The following CLMN variants were observed in gnomAD, a reference collection of about 807,000 sequenced individuals.
CLMN encodes the protein calmin.
In CLMN, 57 loss-of-function variants were observed where a neutral mutation model predicts 92.7. That is an observed-to-expected ratio of 0.61 (90% CI 0.50 to 0.77). The LOEUF (loss-of-function observed/expected upper bound fraction) is 0.77. CLMN is among the 30% of genes least tolerant of loss of function. The pLI is 0.00. For synonymous variants in CLMN, 466 were observed against 470.6 expected, an observed-to-expected ratio of 0.99 and a Z score of 0.13; for missense variants, 1,158 against 1,237.5, an observed-to-expected ratio of 0.94 and a Z score of 0.96.
chr14:95,278,406 T>C (rs1900014954), intron 1 of CLMN, among the ~76,000 whole-genome samples: 1 of 152,174 alleles, frequency 6.6e-6, no homozygotes, highest in South Asian at 2.1e-4. Flanking sequence ...CTGAGTCGTT[T>C]TTCTCCATCT....
Position 95,210,723 on chromosome 14 carries a change from C to T in CLMN, c.765G>A (p.Gln255=). 1.2e-6 allele frequency: 2 copies of T among 1,609,734 alleles called. No homozygotes were observed. Among genetic ancestry groups the T allele is most frequent in the Non-Finnish European group, 1.7e-6 (2 of 1,178,168 alleles). ...ENLEKAFSIA[Q]DALHIPRLLE... is the part of the protein sequence containing the mutation. ...GGAGCCTGGGGATGTGCAGGGCATC[C>T]TGTGCGATGCTGAAAGCCTTCTCTA... is the stretch of plus-strand genomic sequence containing the variant. Residue 255 remains glutamine (Q), a synonymous_variant, in exon 7 of 13, where the codon CAG becomes CAA. Coordinates refer to ENST00000298912, the MANE Select transcript of CLMN (RefSeq NM_024734.4).
rs1317169924 is a variant in CLMN, at chr14:95,187,339, C to G, written c.*4225G>C. 2 of 152,180 alleles carry G rather than the reference C, an allele frequency of 1.3e-5. No homozygotes were observed. Among genetic ancestry groups the G allele is most frequent in the African/African-American group, 4.8e-5 (2 of 41,418 alleles). 9.4% of individuals were successfully genotyped at this position (152,180 alleles called of 1,614,324 possible). ...CATGAACACAGAATACAGAAGAGAACAGTAAGCAAGAGCTAGCAACCTATT... is the reference window on the plus strand; with the variant it reads ...CATGAACACAGAATACAGAAGAGAAGAGTAAGCAAGAGCTAGCAACCTATT... On this transcript the variant is annotated 3_prime_UTR_variant, in exon 13 of 13. Transcript: ENST00000298912.
chr14:95,309,653 C>T (rs1199058755), intron 1 of CLMN, among the ~76,000 whole-genome samples: 1 of 152,248 alleles, frequency 6.6e-6, no homozygotes, highest in Non-Finnish European at 1.5e-5. Flanking sequence ...AGTTCTCCAG[C>T]CAGGTGGTGG....
At chr14:95,297,811 GCA>G (rs3219870) in intron 1 of CLMN, among the ~76,000 whole-genome samples, 49,705 of 144,634 alleles carry the variant, frequency 0.34, 8,576 homozygotes, top group Middle Eastern at 0.43. Flanking sequence ...AATATGGCAG[GCA>G]CACACACACA....
intron 1 of CLMN, among the ~76,000 whole-genome samples, chr14:95,269,585 C>G (rs985553083): frequency 6.6e-6 from 1 of 152,186 alleles, no homozygotes; most frequent in East Asian, 1.9e-4. Flanking sequence ...CAATGGACTC[C>G]TGCTTGACAG....
chr14:95,309,675 C>G (rs1278780893), intron 1 of CLMN, among the ~76,000 whole-genome samples: 1 of 152,216 alleles, frequency 6.6e-6, no homozygotes, highest in African/African-American at 2.4e-5. Flanking sequence ...AGCCCTATGA[C>G]CACAGCCCTG....
In CLMN at chr14:95,191,445, T is replaced by A; in HGVS notation, c.*119A>T. 1.6e-6 allele frequency: 1 copy of A among 627,426 alleles called. No individual in the cohort carries two copies. The highest frequency in any genetic ancestry group is 2.4e-6 in the Non-Finnish European group (1 of 413,870). The allele number at this position is 627,426 out of a possible 1,614,324, so 38.9% of individuals were successfully genotyped here. A position where few individuals can be genotyped will look rare whatever the true frequency, so the allele number is the denominator to read the frequency against. ...AACCACAATAGCGAGAAAGGGGGTCTAAGTTTCCTCGGAGGTCCTCAACTG... is the reference window on the plus strand; with the variant it reads ...AACCACAATAGCGAGAAAGGGGGTCAAAGTTTCCTCGGAGGTCCTCAACTG... On this transcript the variant is annotated 3_prime_UTR_variant, in exon 13 of 13. Transcript: ENST00000298912. The surrounding 1 kb of genome is among the most constrained non-coding windows in gnomAD (Gnocchi z 5.3).
rs144841910 is a variant in CLMN, at chr14:95,301,330, A to G, written c.82+18381T>C. Among the ~76,000 whole-genome samples the G allele has an allele frequency of 5.9e-3, 903 of 152,246 alleles. 9 individuals carry two copies. Among genetic ancestry groups the G allele is most frequent in the East Asian group, 0.028 (147 of 5,180 alleles). On this transcript the variant is annotated intron_variant, in intron 1 of 12. Coordinates refer to ENST00000298912, the MANE Select transcript of CLMN (RefSeq NM_024734.4). ...CCCTACCAGCTCTCAAATGGGCAGT[A>G]CCACTCCCAGGTGGAAATGCGGGGG...
chr14:95,315,281 T>C (rs1041673091), intron 1 of CLMN, among the ~76,000 whole-genome samples: 1 of 151,934 alleles, frequency 6.6e-6, no homozygotes, highest in Non-Finnish European at 1.5e-5. Flanking sequence ...CAACCCAGCC[T>C]TTTTCTCGTG....
At chr14:95,234,381 C>T (rs987742594) in intron 1 of CLMN, among the ~76,000 whole-genome samples, 2 of 152,204 alleles carry the variant, frequency 1.3e-5, no homozygotes, top group African/African-American at 4.8e-5. Context: ...CGCCCACCCC[C>T]CATCCTGCAG....
chr14:95,232,889 T>A (rs760975981), intron 1 of CLMN, among the ~76,000 whole-genome samples: 9 of 152,250 alleles, frequency 5.9e-5, no homozygotes, highest in Non-Finnish European at 1.0e-4. Flanking sequence ...CATTTTTCAC[T>A]GTTTCGAGCA....
chr14:95,299,194 C>T (rs1236676833), intron 1 of CLMN, among the ~76,000 whole-genome samples: 1 of 152,112 alleles, frequency 6.6e-6, no homozygotes, highest in African/African-American at 2.4e-5. Context: ...AGGGTCCTTG[C>T]TGTGCTCCCC....
chr14:95,294,265 G>C lies in CLMN; in HGVS notation c.82+25446C>G, dbSNP rs1023458023. 4.6e-5 allele frequency among the ~76,000 whole-genome samples: 7 copies of C among 152,238 alleles called. No individual in the cohort carries two copies. The highest frequency in any genetic ancestry group is 1.4e-4 in the African/African-American group (6 of 41,456). The stretch of plus-strand genomic sequence containing the variant: ...TGAGGAAAAGGCATGGCCCCTGCTT[G>C]CACGGGGAAGACAAAATTTAACCAA... On this transcript the variant is annotated intron_variant, in intron 1 of 12. Coordinates refer to ENST00000298912, the MANE Select transcript of CLMN (RefSeq NM_024734.4). This position sits in a 1 kb window ranked among gnomAD's most constrained non-coding sequence, Gnocchi z 4.2.
intron 9 of CLMN, among the ~76,000 whole-genome samples, chr14:95,198,304 C>T (rs372532723): frequency 8.6e-5 from 13 of 151,910 alleles, no homozygotes; most frequent in African/African-American, 3.1e-4. Context: ...CCCACTTCAG[C>T]CTCCCAAAGG....
chr14:95,314,898 C>A (rs958423326), intron 1 of CLMN, among the ~76,000 whole-genome samples: 3 of 152,234 alleles, frequency 2.0e-5, no homozygotes, highest in African/African-American at 7.2e-5. Context: ...AGTTCCTTGA[C>A]ATGAAACCTG....
In CLMN at chr14:95,259,146, C is replaced by G. The variant is rs1431757890; in HGVS notation, c.83-29013G>C. ...GTGTGTGTGAAGTGGGGTGTGCACT[C>G]AGGGAGTTGGTGCTGCATGGCAGGC... On this transcript the variant is annotated intron_variant, in intron 1 of 12. Transcript: ENST00000298912. The surrounding 1 kb of genome is among the most constrained non-coding windows in gnomAD (Gnocchi z 4.3). Among the ~76,000 whole-genome samples the G allele has an allele frequency of 2.0e-5, 3 of 151,798 alleles. No individual in the cohort carries two copies. The highest frequency in any genetic ancestry group is 4.4e-5 in the Non-Finnish European group (3 of 67,906).
At chr14:95,263,614 A>G (rs1396132728) in intron 1 of CLMN, among the ~76,000 whole-genome samples, 1 of 152,202 alleles carries the variant, frequency 6.6e-6, no homozygotes, top group East Asian at 1.9e-4. Flanking sequence ...CCTAAACGTT[A>G]CTTGGAATAT....
At chr14:95,315,083 C>T (rs564472379) in intron 1 of CLMN, among the ~76,000 whole-genome samples, 1 of 152,094 alleles carries the variant, frequency 6.6e-6, no homozygotes, top group East Asian at 1.9e-4. Flanking sequence ...TGCTCCACTG[C>T]TGTGTGAAAG....
chr14:95,242,610 G>T (rs565456378), intron 1 of CLMN, among the ~76,000 whole-genome samples: 1 of 144,412 alleles, frequency 6.9e-6, no homozygotes, highest in East Asian at 2.0e-4. Flanking sequence ...CTGTCGCCAG[G>T]CTGGAGTGCA....
Sources: allele counts gnomAD v4.1 joint callset (sites outside exome capture counted in the v4.1 genomes callset), GRCh38; gene constraint gnomAD v4.1.1; non-coding constraint Gnocchi (gnomAD v3.1); transcripts MANE v1.5; gene names NCBI Gene and HGNC (gene_info 2026-07-23, HGNC 2026-07-21).